Variants in TVP23A observed in about 807,000 individuals in gnomAD.
TVP23A encodes Golgi apparatus membrane protein TVP23 homolog A.
TVP23A carries 21 observed loss-of-function variants against 31.7 expected under a neutral mutation model. The observed-to-expected ratio is 0.66, with a 90% confidence interval of 0.47 to 0.95. TVP23A has a LOEUF of 0.95. TVP23A is among the 40% of genes least tolerant of loss of function. TVP23A has a pLI of 0.00. For missense variants in TVP23A, 279 were observed against 255.6 expected (o/e 1.09, Z -0.62); for synonymous variants, 104 against 96.0 (o/e 1.08, Z -0.49).
At chr16:10,808,679 A>G in intron 2 of TVP23A, 2 of 373,834 alleles carry the variant, frequency 5.3e-6, no homozygotes, top group Non-Finnish European at 1.1e-5. Context: ...GAGGAGGCTG[A>G]GAAGGGAGGA....
At chr16:10,805,093 A>C (rs541407605) in intron 2 of TVP23A, among the ~76,000 whole-genome samples, 1 of 152,080 alleles carries the variant, frequency 6.6e-6, no homozygotes, top group Admixed American at 6.6e-5. Flanking sequence ...GCTGGAGTGC[A>C]GTGGTGTGAT....
chr16:10,773,237 C>A, intron 5 of TVP23A, 76 bp downstream of exon 5: 1 of 1,492,836 alleles, frequency 6.7e-7, no homozygotes, highest in Non-Finnish European at 9.0e-7. Flanking sequence ...TAACAAATAA[C>A]AACAAAAGCC....
Position 10,818,610 on chromosome 16 carries a change from G to A in TVP23A, c.-117C>T. 2 of 1,328,094 alleles carry A rather than the reference G, an allele frequency of 1.5e-6. No homozygotes were observed. Among genetic ancestry groups the A allele is most frequent in the South Asian group, 1.4e-5 (1 of 70,074 alleles). 82.3% of individuals were successfully genotyped at this position (1,328,094 alleles called of 1,614,324 possible). A position where few individuals can be genotyped will look rare whatever the true frequency, so the allele number is the denominator to read the frequency against. On this transcript the variant is annotated 5_prime_UTR_variant, in exon 1 of 8. Transcript: ENST00000299866. This position sits in a 1 kb window ranked among gnomAD's most constrained non-coding sequence, Gnocchi z 4.7. ...AGGCAGCAGACGGTGGACGCTGAGG[G>A]TCGGGGCCTGCGCCCTGTGGGGCAG...
rs2031065404 is a variant in TVP23A, at chr16:10,767,472, G to A, written c.*1630C>T. 2 of 401,828 alleles carry A rather than the reference G, an allele frequency of 5.0e-6. No individual in the cohort carries two copies. The highest frequency in any genetic ancestry group is 6.2e-4 in the Middle Eastern group (1 of 1,612). 24.9% of individuals were successfully genotyped at this position (401,828 alleles called of 1,614,324 possible). ...TCGTATTTTAGGTATATGAGAGTGT[G>A]TGTATGTGTGTGCGCACACATGCAA... On this transcript the variant is annotated 3_prime_UTR_variant, in exon 8 of 8. Coordinates refer to ENST00000299866, the MANE Select transcript of TVP23A (RefSeq NM_001079512.4). The surrounding 1 kb of genome is among the most constrained non-coding windows in gnomAD (Gnocchi z 4.6).
chr16:10,798,716 T>C (rs1021732578), intron 2 of TVP23A, among the ~76,000 whole-genome samples: 1 of 152,138 alleles, frequency 6.6e-6, no homozygotes, highest in African/African-American at 2.4e-5. Context: ...CAGGCTGGAG[T>C]GCAATGGTGC....
chr16:10,806,597 G>A (rs902570960), intron 2 of TVP23A, among the ~76,000 whole-genome samples: 32 of 152,184 alleles, frequency 2.1e-4, no homozygotes, highest in Non-Finnish European at 4.4e-5. Flanking sequence ...TACCTCCCGG[G>A]TACAAGCAAT....
chr16:10,775,029 C>G lies in TVP23A; in HGVS notation c.157G>C (p.Asp53His). ...CCCACAAAGCTCTTGCTGAACCAGT[C>G]GCAGCTCACGTAGGTGACGATGGCA... Reference protein sequence around the residue: ...VSAIVTYVSCDWFSKSFVGCF... With the variant: ...VSAIVTYVSCHWFSKSFVGCF... The change falls in exon 3 of 8, where the codon GAC becomes CAC. Residue 53 changes from aspartate (D) to histidine (H), a missense_variant. Transcript: ENST00000299866. The G allele has an allele frequency of 6.2e-7, 1 of 1,612,214 alleles. No individual in the cohort carries two copies. The highest frequency in any genetic ancestry group is 8.5e-7 in the Non-Finnish European group (1 of 1,179,152).
chr16:10,757,780 T>C (rs1900657405), downstream of TVP23A: 3 of 1,504,564 alleles, frequency 2.0e-6, no homozygotes, highest in African/African-American at 4.2e-5. The surrounding 1 kb of genome is among the most constrained non-coding windows in gnomAD (Gnocchi z 4.1). Context: ...CTGGGCAACA[T>C]AGCAAGACCC....
rs562721752 is a variant in TVP23A at position 10,777,818 on chromosome 16, C to A, written c.90-2722G>T. Among the ~76,000 whole-genome samples, 1 of 152,048 alleles carries A rather than the reference C, an allele frequency of 6.6e-6. No homozygotes were observed. Among genetic ancestry groups the A allele is most frequent in the South Asian group, 2.1e-4 (1 of 4,798 alleles). ...CGAGGTCAAGAGACTGAGACCATCC[C>A]TGGCCAACATGGTGAAACCCCGTCT... On this transcript the variant is annotated intron_variant, in intron 2 of 7. Coordinates refer to ENST00000299866, the MANE Select transcript of TVP23A (RefSeq NM_001079512.4). The surrounding 1 kb of genome is among the most constrained non-coding windows in gnomAD (Gnocchi z 4.5).
rs2031128589 is a variant in TVP23A at position 10,767,868 on chromosome 16, G to C, written c.*1234C>G. On this transcript the variant is annotated 3_prime_UTR_variant, in exon 8 of 8. Transcript: ENST00000299866. This position sits in a 1 kb window ranked among gnomAD's most constrained non-coding sequence, Gnocchi z 4.6. Reference sequence around the variant, plus strand: ...GCTCAAGATCTTCCCATTGTCACCAGCACGGAAAGAGCCCCAAGATCTTGT... The same window carrying C: ...GCTCAAGATCTTCCCATTGTCACCACCACGGAAAGAGCCCCAAGATCTTGT... The C allele has an allele frequency of 1.6e-6, 2 of 1,286,910 alleles. No individual in the cohort carries two copies. Among genetic ancestry groups the C allele is most frequent in the East Asian group, 2.3e-5 (1 of 43,192 alleles). The allele number at this position is 1,286,910 out of a possible 1,614,324, so 79.7% of individuals were successfully genotyped here. A position where few individuals can be genotyped will look rare whatever the true frequency, so the allele number is the denominator to read the frequency against.
chr16:10,765,152 C>CT (rs1433058785), downstream of TVP23A: 9 of 153,040 alleles, frequency 5.9e-5, no homozygotes, highest in African/African-American at 1.7e-4. This position sits in a 1 kb window ranked among gnomAD's most constrained non-coding sequence, Gnocchi z 4.0. Flanking sequence ...GAGGTGTGTC[C>CT]TTATGGCCAT....
In TVP23A at chr16:10,772,798, G is replaced by A. The variant is rs552663594; in HGVS notation, c.453+515C>T. Among the ~76,000 whole-genome samples, 396 of 142,158 alleles carry A rather than the reference G, an allele frequency of 2.8e-3. 1 individual carries two copies. Among genetic ancestry groups the A allele is most frequent in the South Asian group, 0.011 (50 of 4,364 alleles). 93.3% of individuals were successfully genotyped at this position (142,158 alleles called of 152,430 possible). On this transcript the variant is annotated intron_variant, in intron 5 of 7. Coordinates refer to ENST00000299866, the MANE Select transcript of TVP23A (RefSeq NM_001079512.4). ...GTCAAAAGGGCGCAAGGCTTCTTCCGGTGATGAAAATTTCCTAACATTGAT... is the reference window on the plus strand; with the variant it reads ...GTCAAAAGGGCGCAAGGCTTCTTCCAGTGATGAAAATTTCCTAACATTGAT...
At chr16:10,806,139 T>C (rs1447254546) in intron 2 of TVP23A, among the ~76,000 whole-genome samples, 1 of 152,140 alleles carries the variant, frequency 6.6e-6, no homozygotes, top group African/African-American at 2.4e-5. Context: ...GGTCAGGAGT[T>C]TGAGACCAGC....
downstream of TVP23A, chr16:10,757,976 G>A: frequency 1.2e-6 from 2 of 1,614,038 alleles, no homozygotes; most frequent in African/African-American, 1.3e-5. The surrounding 1 kb of genome is among the most constrained non-coding windows in gnomAD (Gnocchi z 4.1). Context: ...CGGTCGTCCG[G>A]TACCTGGCCA....
At chr16:10,775,584 G>C (rs962788453) in intron 2 of TVP23A, 1 of 992,198 alleles carries the variant, frequency 1.0e-6, no homozygotes, top group Non-Finnish European at 1.2e-6. Flanking sequence ...TGAATGGCAG[G>C]TCTAACTCAT....
At chr16:10,772,734 G>A (rs1222428717) in intron 5 of TVP23A, among the ~76,000 whole-genome samples, 1 of 152,168 alleles carries the variant, frequency 6.6e-6, no homozygotes, top group Non-Finnish European at 1.5e-5. Context: ...AAATTAATAG[G>A]TGCCAGGGCT....
At chr16:10,764,419 G>C (rs1192267302), downstream of TVP23A, among the ~76,000 whole-genome samples, 2 of 151,840 alleles carry the variant, frequency 1.3e-5, no homozygotes, top group African/African-American at 4.8e-5. Flanking sequence ...GTCTATTGGA[G>C]AATCTCAGTC....
At chr16:10,800,907 C>T (rs956685189) in intron 2 of TVP23A, among the ~76,000 whole-genome samples, 2 of 152,126 alleles carry the variant, frequency 1.3e-5, no homozygotes, top group Admixed American at 6.6e-5. Context: ...GGGAGGATCA[C>T]TTGAGCCTGG....
At chr16:10,789,255 G>C (rs2032952771) in intron 2 of TVP23A, among the ~76,000 whole-genome samples, 1 of 152,144 alleles carries the variant, frequency 6.6e-6, no homozygotes, top group Non-Finnish European at 1.5e-5. Flanking sequence ...TGGATCAGAG[G>C]AAGCACCTGG....
Sources: gnomAD v4.1 joint callset for allele counts (sites outside exome capture counted in the v4.1 genomes callset) on GRCh38, gnomAD v4.1.1 for gene constraint, Gnocchi (gnomAD v3.1) non-coding constraint, MANE v1.5 for transcripts, NCBI Gene and HGNC (gene_info 2026-07-23, HGNC 2026-07-21) for gene names.